The following DPP10 variants were observed in gnomAD, a reference collection of about 807,000 sequenced individuals.
DPP10 encodes the protein dipeptidyl peptidase like 10, also known as inactive dipeptidyl peptidase 10.
A neutral mutation model predicts 120.9 loss-of-function variants in DPP10; 33 were observed. That is an observed-to-expected ratio of 0.27 (90% CI 0.21 to 0.37). The LOEUF is 0.37. DPP10 is among the 10% of genes least tolerant of loss of function. DPP10 has a pLI of 1.00. For missense variants in DPP10, 816 were observed against 942.8 expected (o/e 0.87, Z 1.76); for synonymous variants, 337 against 326.1 (o/e 1.03, Z -0.36).
chr2:114,552,922 C>A (rs1267252660), intron 1 of DPP10, among the ~76,000 whole-genome samples: 1 of 152,108 alleles, frequency 6.6e-6, no homozygotes, highest in Non-Finnish European at 1.5e-5. Context: ...CACATCAGCA[C>A]CCCAATTAAA....
At chr2:114,755,441 G>A (rs968110999) in intron 1 of DPP10, among the ~76,000 whole-genome samples, 1 of 151,932 alleles carries the variant, frequency 6.6e-6, no homozygotes, top group Non-Finnish European at 1.5e-5. Context: ...ACTAAGGTGT[G>A]TGCCACCATA....
chr2:114,876,010 GT>G (rs897092655), intron 1 of DPP10, among the ~76,000 whole-genome samples: 1 of 152,032 alleles, frequency 6.6e-6, no homozygotes, highest in African/African-American at 2.4e-5. Flanking sequence ...ATTTTTTAGA[GT>G]TTTGATAGTA....
At chr2:115,148,949 T>C (rs13013450) in intron 1 of DPP10, among the ~76,000 whole-genome samples, 66,390 of 152,034 alleles carry the variant, frequency 0.44, 16,321 homozygotes, top group Non-Finnish European at 0.55. Context: ...AATTTTCAAA[T>C]TGATATGTCT....
chr2:114,461,138 G>A (rs1678889142), intron 1 of DPP10, among the ~76,000 whole-genome samples: 1 of 152,180 alleles, frequency 6.6e-6, no homozygotes, highest in Non-Finnish European at 1.5e-5. Context: ...AACATAAAGA[G>A]TTTATTCAAT....
At chr2:114,444,366 G>A (rs1379608029) in intron 1 of DPP10, among the ~76,000 whole-genome samples, 1 of 152,162 alleles carries the variant, frequency 6.6e-6, no homozygotes, top group Admixed American at 6.5e-5. Flanking sequence ...GTGGGATAGA[G>A]TTACAAACTG....
chr2:114,897,957 A>G (rs542821831), intron 1 of DPP10, among the ~76,000 whole-genome samples: 1 of 152,180 alleles, frequency 6.6e-6, no homozygotes, highest in East Asian at 1.9e-4. Context: ...TCAGGGATCT[A>G]GAACTAGAAA....
At chr2:114,640,970 C>G (rs1450660909) in intron 1 of DPP10, among the ~76,000 whole-genome samples, 1 of 151,864 alleles carries the variant, frequency 6.6e-6, no homozygotes, top group Non-Finnish European at 1.5e-5. Context: ...ACACCTCCAT[C>G]AGGATGTATT....
intron 1 of DPP10, among the ~76,000 whole-genome samples, chr2:114,508,949 G>A (rs1050283641): frequency 6.6e-6 from 1 of 152,042 alleles, no homozygotes; most frequent in Non-Finnish European, 1.5e-5. Context: ...GCTAGGATGG[G>A]CAATTTGAGT....
chr2:115,151,654 G>C (rs1007105914), intron 1 of DPP10, among the ~76,000 whole-genome samples: 1 of 151,250 alleles, frequency 6.6e-6, no homozygotes, highest in Non-Finnish European at 1.5e-5. Context: ...TGATCCACCC[G>C]CCTCGGCTTC....
At chr2:115,715,359 A>AG (rs1239132270) in intron 7 of DPP10, among the ~76,000 whole-genome samples, 2 of 150,642 alleles carry the variant, frequency 1.3e-5, no homozygotes, top group Admixed American at 6.6e-5. Flanking sequence ...AAAAAAAAAA[A>AG]AAAAGAAAGA....
intron 1 of DPP10, among the ~76,000 whole-genome samples, chr2:115,005,961 C>G (rs940016960): frequency 1.6e-4 from 24 of 152,000 alleles, no homozygotes; most frequent in African/African-American, 5.8e-4. Context: ...TAAGGGCAGC[C>G]AGAGAGAAAG....
At chr2:115,346,065 T>C (rs1301785105) in intron 3 of DPP10, among the ~76,000 whole-genome samples, 1 of 152,198 alleles carries the variant, frequency 6.6e-6, no homozygotes, top group Non-Finnish European at 1.5e-5. Flanking sequence ...ACTGTCTCAA[T>C]GCCTGTAAAT....
At chr2:115,029,681 T>C (rs1345389279) in intron 1 of DPP10, among the ~76,000 whole-genome samples, 1 of 152,192 alleles carries the variant, frequency 6.6e-6, no homozygotes, top group Middle Eastern at 3.2e-3. Context: ...TTGAATTTTT[T>C]CATTTTTATC....
At chr2:114,577,661 CTTATACAACAGAAAT>C (rs1259148646) in intron 1 of DPP10, among the ~76,000 whole-genome samples, 1 of 152,122 alleles carries the variant, frequency 6.6e-6, no homozygotes. Flanking sequence ...CTCTGGGTGG[CTTATACAACAGAAAT>C]TTGTTCTCTC....
chr2:115,691,115 C>A (rs1206726312), intron 7 of DPP10, among the ~76,000 whole-genome samples: 1 of 146,556 alleles, frequency 6.8e-6, no homozygotes, highest in East Asian at 2.0e-4. Flanking sequence ...ATTTTTTATT[C>A]TTTTTTTTTT....
intron 1 of DPP10, among the ~76,000 whole-genome samples, chr2:114,885,146 AG>A (rs1469640054): frequency 6.6e-6 from 1 of 152,244 alleles, no homozygotes; most frequent in Admixed American, 6.5e-5. Flanking sequence ...ATAGTCCCAT[AG>A]GCTGTAGAGG....
intron 7 of DPP10, among the ~76,000 whole-genome samples, chr2:115,699,564 A>C (rs2091790978): frequency 6.6e-6 from 1 of 152,180 alleles, no homozygotes; most frequent in African/African-American, 2.4e-5. Context: ...ATTTGAGATC[A>C]TGCCACTGCA....
At chr2:114,966,485 C>T (rs1699041341) in intron 1 of DPP10, among the ~76,000 whole-genome samples, 1 of 152,168 alleles carries the variant, frequency 6.6e-6, no homozygotes, top group Non-Finnish European at 1.5e-5. Context: ...ACACCTGCTC[C>T]CCTTCCTCTT....
At chr2:114,527,414 C>T (rs947246143) in intron 1 of DPP10, among the ~76,000 whole-genome samples, 69 of 152,172 alleles carry the variant, frequency 4.5e-4, no homozygotes, top group African/African-American at 1.5e-3. Context: ...GTTCTGTGGT[C>T]GTAACTGTTG....
Sources: gnomAD v4.1 joint callset for allele counts (sites outside exome capture counted in the v4.1 genomes callset) on GRCh38, gnomAD v4.1.1 for gene constraint, MANE v1.5 for transcripts, NCBI Gene and HGNC (gene_info 2026-07-23, HGNC 2026-07-21) for gene names.